Variants in CSMD1 observed in about 807,000 individuals in gnomAD.
CSMD1 encodes the protein CUB and sushi domain-containing protein 1.
CSMD1 carries 213 observed loss-of-function variants against 417.5 expected under a neutral mutation model. The observed-to-expected ratio is 0.51, with a 90% CI of 0.46 to 0.57. The LOEUF is 0.57. CSMD1 is among the 20% of genes least tolerant of loss of function. The pLI is 0.00. For synonymous variants in CSMD1, 2,862 were observed against 1,736.8 expected (o/e 1.65, Z -16.11); for missense variants, 6,923 against 4,529.7 (o/e 1.53, Z -15.17).
intron 6 of CSMD1, among the ~76,000 whole-genome samples, chr8:3,720,662 C>T (rs1380035194): frequency 2.6e-5 from 4 of 151,696 alleles, no homozygotes; most frequent in Middle Eastern, 3.2e-3. Context: ...CACACCAGCA[C>T]ATTTCTCCTT....
chr8:3,385,612 A>C (rs892050311), intron 18 of CSMD1, among the ~76,000 whole-genome samples: 1 of 152,148 alleles, frequency 6.6e-6, no homozygotes, highest in Non-Finnish European at 1.5e-5. Flanking sequence ...ATAAGAGTTT[A>C]CTATTAATTA....
intron 4 of CSMD1, among the ~76,000 whole-genome samples, chr8:4,021,928 C>T (rs892493956): frequency 6.6e-6 from 1 of 151,926 alleles, no homozygotes; most frequent in African/African-American, 2.4e-5. Flanking sequence ...AGCTGACTAG[C>T]TCTTTTGATC....
At chr8:4,223,098 C>A (rs1801137866) in intron 3 of CSMD1, among the ~76,000 whole-genome samples, 1 of 152,010 alleles carries the variant, frequency 6.6e-6, no homozygotes, top group Non-Finnish European at 1.5e-5. Flanking sequence ...CCCGCCCTGC[C>A]CTGAGCATCT....
At chr8:4,174,646 G>C (rs79233595) in intron 3 of CSMD1, among the ~76,000 whole-genome samples, 2 of 141,804 alleles carry the variant, frequency 1.4e-5, no homozygotes, top group East Asian at 2.1e-4. Flanking sequence ...TGGGAATGTA[G>C]GAATTATAGG....
chr8:3,712,777 T>C (rs184978693), intron 6 of CSMD1, among the ~76,000 whole-genome samples: 1 of 152,260 alleles, frequency 6.6e-6, no homozygotes, highest in African/African-American at 2.4e-5. Flanking sequence ...CTGGTGTCTG[T>C]TGGGTAAGGT....
intron 3 of CSMD1, among the ~76,000 whole-genome samples, chr8:4,161,521 C>G (rs1329650406): frequency 6.6e-6 from 1 of 152,184 alleles, no homozygotes; most frequent in African/African-American, 2.4e-5. Flanking sequence ...CCAAGCTGAA[C>G]ACGCAAAGTC....
At chr8:3,422,980 C>T (rs377712982) in intron 12 of CSMD1, among the ~76,000 whole-genome samples, 1 of 152,202 alleles carries the variant, frequency 6.6e-6, no homozygotes, top group Non-Finnish European at 1.5e-5. Flanking sequence ...ACAGCTCTTA[C>T]TGCTACCAAA....
In CSMD1 at chr8:4,159,402, G is replaced by C. The variant is rs561847512; in HGVS notation, c.416-127303C>G. The stretch of plus-strand genomic sequence containing the variant: ...TATGTGATATCTACCGAGGGGAAAA[G>C]AAGTCATTATATGAAAAAGGTATTT... On this transcript the variant is annotated intron_variant, in intron 3 of 69. Transcript: ENST00000635120. Among the ~76,000 whole-genome samples the C allele has an allele frequency of 2.0e-5, 3 of 152,282 alleles. No homozygotes were observed. The East Asian group carries it at 5.8e-4, about 29-fold the overall frequency.
chr8:3,568,922 G>T (rs968756419), intron 10 of CSMD1, among the ~76,000 whole-genome samples: 1 of 152,072 alleles, frequency 6.6e-6, no homozygotes, highest in Non-Finnish European at 1.5e-5. Flanking sequence ...ATAAACTTTT[G>T]AGAGAATTTT....
chr8:4,479,852 G>T (rs140007996), intron 2 of CSMD1, among the ~76,000 whole-genome samples: 2,673 of 151,908 alleles, frequency 0.018, 46 homozygotes, highest in Middle Eastern at 0.041. Flanking sequence ...TTTAGTTCCA[G>T]CTACTCGGGA....
At chr8:4,751,973 T>C (rs145273364) in intron 1 of CSMD1, among the ~76,000 whole-genome samples, 4 of 152,284 alleles carry the variant, frequency 2.6e-5, no homozygotes, top group African/African-American at 7.2e-5. Flanking sequence ...TATATACATA[T>C]ACACGACTGT....
chr8:4,853,135 G>A (rs1214871756), intron 1 of CSMD1, among the ~76,000 whole-genome samples: 7 of 152,202 alleles, frequency 4.6e-5, no homozygotes, highest in East Asian at 1.9e-4. Flanking sequence ...ATCCAAGTGG[G>A]CTATGGAGCA....
chr8:4,909,237 A>G (rs1318251322), intron 1 of CSMD1, among the ~76,000 whole-genome samples: 1 of 152,158 alleles, frequency 6.6e-6, no homozygotes, highest in Non-Finnish European at 1.5e-5. Flanking sequence ...AGAGTGTTTT[A>G]TAACCTTCCT....
chr8:3,809,029 T>G (rs1461544623), intron 5 of CSMD1, among the ~76,000 whole-genome samples: 1 of 152,150 alleles, frequency 6.6e-6, no homozygotes, highest in African/African-American at 2.4e-5. Flanking sequence ...CTGGAAGGCA[T>G]GAAGAGATAC....
intron 2 of CSMD1, among the ~76,000 whole-genome samples, chr8:4,450,007 C>T (rs1245289159): frequency 6.6e-6 from 1 of 152,198 alleles, no homozygotes; most frequent in Admixed American, 6.5e-5. Context: ...GCCATCTCTC[C>T]TGCTATGGCC....
intron 3 of CSMD1, among the ~76,000 whole-genome samples, chr8:4,269,788 A>G (rs1438324228): frequency 1.3e-5 from 2 of 152,236 alleles, no homozygotes; most frequent in Non-Finnish European, 2.9e-5. Context: ...TGAAAATTAT[A>G]TACAGGTGAT....
intron 3 of CSMD1, among the ~76,000 whole-genome samples, chr8:4,290,761 T>C (rs1797317135): frequency 6.6e-6 from 1 of 152,226 alleles, no homozygotes; most frequent in African/African-American, 2.4e-5. Context: ...ATTTAGGATT[T>C]CTATTCTGTA....
At position 3,645,433 on chromosome 8, in the gene CSMD1, G is replaced by A. The variant is rs201063347; in HGVS notation, c.1010-28636C>T. 3.9e-5 allele frequency among the ~76,000 whole-genome samples: 6 copies of A among 152,332 alleles called. No individual in the cohort carries two copies. In the East Asian group the frequency reaches 9.7e-4, roughly 25 times the overall value. On this transcript the variant is annotated intron_variant, in intron 7 of 69. Transcript: ENST00000635120. ...TGGGTACCTTCTGGTCTCAGAGGAA[G>A]GGGAAAGACAGCAAACCTTAAAGCA...
intron 11 of CSMD1, among the ~76,000 whole-genome samples, chr8:3,482,204 TG>T (rs1219178208): frequency 1.2e-4 from 19 of 152,164 alleles, no homozygotes. Flanking sequence ...TAAATATAAA[TG>T]GTCTAGATAT....
Sources: gnomAD v4.1 joint callset for allele counts (sites outside exome capture counted in the v4.1 genomes callset) on GRCh38, gnomAD v4.1.1 for gene constraint, MANE v1.5 for transcripts, NCBI Gene and HGNC (gene_info 2026-07-23, HGNC 2026-07-21) for gene names.